ZFYVE9: variants seen among roughly 807,000 people sequenced by gnomAD.
The protein encoded by ZFYVE9 is zinc finger FYVE domain-containing protein 9.
Under a neutral mutation model 126.7 loss-of-function variants are expected in ZFYVE9, and 43 were observed. That is an observed-to-expected ratio of 0.34 (90% confidence interval 0.27 to 0.44). ZFYVE9 has a LOEUF of 0.44. ZFYVE9 is among the 20% of genes least tolerant of loss of function. The pLI is 1.00. For missense variants in ZFYVE9, 1,476 were observed against 1,697.0 expected, an observed-to-expected ratio of 0.87 and a Z score of 2.29; for synonymous variants, 521 against 597.4, an observed-to-expected ratio of 0.87 and a Z score of 1.87.
intron 1 of ZFYVE9, among the ~76,000 whole-genome samples, chr1:52,207,290 C>G (rs1043862242): frequency 6.6e-6 from 1 of 152,174 alleles, no homozygotes; most frequent in Non-Finnish European, 1.5e-5. Flanking sequence ...GCTGTTCTAG[C>G]GATTTCAATG....
chr1:52,313,311 G>A (rs1222302878), intron 13 of ZFYVE9, among the ~76,000 whole-genome samples: 1 of 152,196 alleles, frequency 6.6e-6, no homozygotes, highest in East Asian at 1.9e-4. Flanking sequence ...AATGGGCAGA[G>A]AAGGTGAGTC....
intron 17 of ZFYVE9, among the ~76,000 whole-genome samples, chr1:52,343,937 C>T (rs1032942274): frequency 4.0e-5 from 6 of 151,784 alleles, no homozygotes; most frequent in Non-Finnish European, 4.4e-5. Flanking sequence ...CCAGGCATGG[C>T]GGCACATGCC....
chr1:52,198,120 G>GTTTTTTTTTTTTTTTTTTTTTTTTTTTT lies in ZFYVE9; in HGVS notation c.-142-18246_-142-18245insTTTTTTTTTTTTTTTTTTTTTTTTTTTT, dbSNP rs373096573. On this transcript the variant is annotated intron_variant, in intron 1 of 18. Coordinates refer to ENST00000287727, the MANE Select transcript of ZFYVE9 (RefSeq NM_004799.4). Reference sequence around the variant, plus strand: ...AAATAATATTGTAGTGTTTTTTTTTGTTTGTTTTTTTTTTTTTTTGAGATG... The same window carrying GTTTTTTTTTTTTTTTTTTTTTTTTTTTT: ...AAATAATATTGTAGTGTTTTTTTTTGTTTTTTTTTTTTTTTTTTTTTTTTTTTTTTTGTTTTTTTTTTTTTTTGAGATG... Among the ~76,000 whole-genome samples, 4 of 111,082 alleles carry GTTTTTTTTTTTTTTTTTTTTTTTTTTTT rather than the reference G, an allele frequency of 3.6e-5. 2 individuals are homozygous for GTTTTTTTTTTTTTTTTTTTTTTTTTTTT. The highest frequency in any genetic ancestry group is 2.3e-4 in the Admixed American group (2 of 8,882). 72.9% of individuals were successfully genotyped at this position (111,082 alleles called of 152,430 possible). A position where few individuals can be genotyped will look rare whatever the true frequency, so the allele number is the denominator to read the frequency against.
intron 1 of ZFYVE9, among the ~76,000 whole-genome samples, chr1:52,208,020 TA>T (rs1644993607): frequency 6.6e-6 from 1 of 152,210 alleles, no homozygotes; most frequent in Non-Finnish European, 1.5e-5. Context: ...TAGCAACAGC[TA>T]TTAAACAATA....
chr1:52,297,887 T>C (rs1408595960), intron 12 of ZFYVE9, among the ~76,000 whole-genome samples: 1 of 151,858 alleles, frequency 6.6e-6, no homozygotes, highest in Non-Finnish European at 1.5e-5. Flanking sequence ...CATGCCCAGC[T>C]AGTTTTTGTA....
At chr1:52,218,569 TC>T (rs1645093981) in intron 2 of ZFYVE9, among the ~76,000 whole-genome samples, 1 of 152,158 alleles carries the variant, frequency 6.6e-6, no homozygotes, top group Admixed American at 6.5e-5. Context: ...GATTGGCCCA[TC>T]CGAGTGGGAG....
chr1:52,177,942 TTG>T lies in ZFYVE9; in HGVS notation c.-143+35541_-143+35542del, dbSNP rs755828598. On this transcript the variant is annotated intron_variant, in intron 1 of 18. Transcript: ENST00000287727. ...ACTTCATATACTATGAAAAGTAGTT[TTG>T]TTTTTTTTTTTTTTAGCAGGGCATG... Among the ~76,000 whole-genome samples, 18 of 149,168 alleles carry T rather than the reference TTG, an allele frequency of 1.2e-4. 5 individuals are homozygous for T. Among genetic ancestry groups the T allele is most frequent in the South Asian group, 2.1e-4 (1 of 4,754 alleles).
intron 1 of ZFYVE9, among the ~76,000 whole-genome samples, chr1:52,171,958 C>T (rs1435375232): frequency 2.6e-5 from 4 of 152,030 alleles, no homozygotes; most frequent in Non-Finnish European, 5.9e-5. Context: ...GTTGCCTGTT[C>T]ACTCTGATGG....
intron 1 of ZFYVE9, among the ~76,000 whole-genome samples, chr1:52,160,827 A>G (rs1466038036): frequency 6.6e-6 from 1 of 152,210 alleles, no homozygotes; most frequent in Non-Finnish European, 1.5e-5. Context: ...ATTAACTGAA[A>G]TTGAAAACAA....
intron 13 of ZFYVE9, among the ~76,000 whole-genome samples, chr1:52,326,736 G>T (rs1225358756): frequency 1.4e-5 from 2 of 147,566 alleles, no homozygotes; most frequent in East Asian, 2.0e-4. Flanking sequence ...GGTGGCACAT[G>T]CCTGTGCCTG....
At chr1:52,324,059 C>CAA (rs924630491) in intron 13 of ZFYVE9, among the ~76,000 whole-genome samples, 3 of 131,834 alleles carry the variant, frequency 2.3e-5, no homozygotes, top group African/African-American at 8.5e-5. Flanking sequence ...GACTCAGTCT[C>CAA]AAAAAAAAAA....
intron 1 of ZFYVE9, among the ~76,000 whole-genome samples, chr1:52,165,696 G>A (rs1644507088): frequency 6.6e-6 from 1 of 152,174 alleles, no homozygotes. Flanking sequence ...TTGCTGTTAA[G>A]AGTTTAGAAC....
At chr1:52,251,102 C>G (rs1407060756) in intron 4 of ZFYVE9, among the ~76,000 whole-genome samples, 1 of 151,550 alleles carries the variant, frequency 6.6e-6, no homozygotes, top group Non-Finnish European at 1.5e-5. Context: ...GATGGAGTCT[C>G]GCTCTGTCAC....
chr1:52,193,995 G>A (rs1228664666), intron 1 of ZFYVE9, among the ~76,000 whole-genome samples: 1 of 152,096 alleles, frequency 6.6e-6, no homozygotes, highest in African/African-American at 2.4e-5. Flanking sequence ...TGTAATCCCA[G>A]CTTCTCGGGC....
intron 2 of ZFYVE9, among the ~76,000 whole-genome samples, chr1:52,232,269 T>C (rs74778998): frequency 0.017 from 2,563 of 152,230 alleles, 32 homozygotes; most frequent in Middle Eastern, 0.031. Flanking sequence ...ATCATGGTAA[T>C]GGATGGAAAA....
At chr1:52,171,719 G>A (rs1428723063) in intron 1 of ZFYVE9, among the ~76,000 whole-genome samples, 3 of 152,038 alleles carry the variant, frequency 2.0e-5, no homozygotes, top group African/African-American at 7.2e-5. Flanking sequence ...GTATCTCATT[G>A]TAGTTTTGAT....
At chr1:52,309,209 AC>A (rs2147848204) in intron 13 of ZFYVE9, among the ~76,000 whole-genome samples, 1 of 152,238 alleles carries the variant, frequency 6.6e-6, no homozygotes, top group South Asian at 2.1e-4. Flanking sequence ...CGGCATGGTG[AC>A]TCACGCTTGT....
intron 1 of ZFYVE9, among the ~76,000 whole-genome samples, chr1:52,199,880 G>C (rs189510911): frequency 1.4e-3 from 209 of 152,290 alleles, no homozygotes; most frequent in Non-Finnish European, 2.6e-3. Flanking sequence ...ATTCTAATAG[G>C]TGTGTGGTGG....
At chr1:52,292,586 C>A (rs1645933038) in intron 10 of ZFYVE9, among the ~76,000 whole-genome samples, 2 of 151,388 alleles carry the variant, frequency 1.3e-5, no homozygotes, top group South Asian at 2.1e-4. Context: ...ATTCTCCTGC[C>A]TCAGCCTCCT....
Sources: allele counts gnomAD v4.1 joint callset (sites outside exome capture counted in the v4.1 genomes callset), GRCh38; gene constraint gnomAD v4.1.1; transcripts MANE v1.5; gene names NCBI Gene and HGNC (gene_info 2026-07-23, HGNC 2026-07-21).